RNF41: variants seen among roughly 807,000 people sequenced by gnomAD.
The protein encoded by RNF41 is E3 ubiquitin-protein ligase NRDP1.
Under a neutral mutation model 33.0 loss-of-function variants are expected in RNF41, and 4 were observed. That is an observed-to-expected ratio of 0.12 (90% CI 0.06 to 0.28). The LOEUF (loss-of-function observed/expected upper bound fraction) is 0.28, where lower values mean the gene tolerates loss of function less well. Ranked by LOEUF, RNF41 falls within the 10% of genes least tolerant of loss-of-function variation. The pLI is 1.00. For missense variants in RNF41, 228 were observed against 432.6 expected, an observed-to-expected ratio of 0.53 and a Z score of 4.19; for synonymous variants, 164 against 153.2, an observed-to-expected ratio of 1.07 and a Z score of -0.52.
At chr12:56,215,064 G>T (rs559925534) in intron 2 of RNF41, among the ~76,000 whole-genome samples, 1 of 152,004 alleles carries the variant, frequency 6.6e-6, no homozygotes, top group African/African-American at 2.4e-5. Context: ...GGGGGAGCAG[G>T]GCATTAGGGT....
chr12:56,208,404 C>T, intron 4 of RNF41, 106 bp from the exon 5 acceptor site: 2 of 1,246,206 alleles, frequency 1.6e-6, no homozygotes, highest in Middle Eastern at 2.0e-4. Context: ...TTGTCCTACC[C>T]AAAATTTCTA....
At chr12:56,207,436 C>T in intron 6 of RNF41, 1 of 759,368 alleles carries the variant, frequency 1.3e-6, no homozygotes, top group Non-Finnish European at 2.3e-6. Context: ...GCAGGCTTTC[C>T]CTCCATCCAC....
chr12:56,210,672 C>G (rs1868410683), intron 3 of RNF41, 104 bp from the exon 4 acceptor site: 4 of 1,165,042 alleles, frequency 3.4e-6, no homozygotes, highest in Non-Finnish European at 4.9e-6. Flanking sequence ...TGAGCAGCCT[C>G]TACGACAAGA....
intron 1 of RNF41, among the ~76,000 whole-genome samples, chr12:56,220,384 T>G (rs1385175486): frequency 1.4e-4 from 21 of 151,916 alleles, no homozygotes; most frequent in Non-Finnish European, 2.5e-4. Context: ...CCCGGCTAAT[T>G]TTTTATATTT....
chr12:56,210,713 T>G, intron 3 of RNF41, 145 bp from the exon 4 acceptor site: 6 of 761,282 alleles, frequency 7.9e-6, no homozygotes, highest in African/African-American at 1.7e-5. Context: ...AGTATAGATC[T>G]ACTACGGGCA....
chr12:56,210,449 C>G lies in RNF41; in HGVS notation c.210G>C (p.Arg70=). The change falls in exon 4 of 7, where the codon CGG becomes CGC. Residue 70 remains arginine (R), a synonymous_variant. Transcript: ENST00000345093. ...VTVAHLRPVP[R]IMRNMLSKLQ... is the part of the protein sequence containing the mutation. ...GCTTTGACAACATGTTCCGCATGATCCGAGGTACTGGGCGCAGATGGGCGA... is the reference window on the plus strand; with the variant it reads ...GCTTTGACAACATGTTCCGCATGATGCGAGGTACTGGGCGCAGATGGGCGA... 6.2e-7 allele frequency: 1 copy of G among 1,614,200 alleles called. No individual in the cohort carries two copies. Among genetic ancestry groups the G allele is most frequent in the Non-Finnish European group, 8.5e-7 (1 of 1,180,038 alleles).
In RNF41 at chr12:56,207,171, T is replaced by C. The variant is rs145153193; in HGVS notation, c.603-373A>G. The C allele has an allele frequency of 1.1e-3, 1,497 of 1,323,378 alleles. 20 individuals are homozygous for C. The Admixed American group carries it at 0.015, about 13-fold the overall frequency. 82.0% of individuals were successfully genotyped at this position (1,323,378 alleles called of 1,614,324 possible). ...GTATATATTGATTCACACTTACAGT[T>C]TACTCTATGAACTGTATAGGACTCC... On this transcript the variant is annotated intron_variant, in intron 6 of 6. Coordinates refer to ENST00000345093, the MANE Select transcript of RNF41 (RefSeq NM_005785.4).
Position 56,208,212 on chromosome 12 carries a change from G to A in RNF41, c.449C>T (p.Ala150Val), listed in dbSNP as rs1407776380. The A allele has an allele frequency of 1.9e-6, 3 of 1,614,202 alleles. No individual in the cohort carries two copies. Among genetic ancestry groups the A allele is most frequent in the South Asian group, 1.1e-5 (1 of 91,082 alleles). ...TTCAGCTGACGTCTTCTCCAGCTCTGCGATGCGTGTCTGCTGCTGCTGTAC... is the reference window on the plus strand; with the variant it reads ...TTCAGCTGACGTCTTCTCCAGCTCTACGATGCGTGTCTGCTGCTGCTGTAC... ...SVVQQQQTRI[A>V]ELEKTSAEHK... The change falls in exon 5 of 7, where the codon GCA becomes GTA. Residue 150 changes from alanine to valine, a missense_variant. Physicochemically the swap from Ala to Val is moderately conservative, Grantham distance 64 (BLOSUM62 0). Coordinates refer to ENST00000345093, the MANE Select transcript of RNF41 (RefSeq NM_005785.4).
At chr12:56,216,879 G>T (rs111875890) in intron 1 of RNF41, among the ~76,000 whole-genome samples, 19 of 152,314 alleles carry the variant, frequency 1.2e-4, no homozygotes, top group African/African-American at 4.3e-4. Context: ...GGTGGCTCAC[G>T]CCTGTAATCC....
intron 1 of RNF41, among the ~76,000 whole-genome samples, chr12:56,218,532 G>A (rs1869081639): frequency 6.6e-6 from 1 of 151,906 alleles, no homozygotes; most frequent in African/African-American, 2.4e-5. Context: ...CTCCCGAAGT[G>A]CTGGGATTAC....
intron 1 of RNF41, among the ~76,000 whole-genome samples, chr12:56,221,373 G>A (rs1476219518): frequency 6.6e-6 from 1 of 152,104 alleles, no homozygotes; most frequent in Non-Finnish European, 1.5e-5. Flanking sequence ...CGAGGGCGGG[G>A]GTTTAGGTTC....
chr12:56,217,588 G>A (rs187339656), intron 1 of RNF41, among the ~76,000 whole-genome samples: 1 of 152,264 alleles, frequency 6.6e-6, no homozygotes, highest in African/African-American at 2.4e-5. Flanking sequence ...TACATTATGT[G>A]TACAGGATGA....
intron 3 of RNF41, among the ~76,000 whole-genome samples, chr12:56,212,152 T>C (rs1239880396): frequency 6.6e-6 from 1 of 152,212 alleles, no homozygotes; most frequent in Non-Finnish European, 1.5e-5. Context: ...TACATATATA[T>C]GCAGACATCT....
At chr12:56,210,758 C>T (rs1868416669) in intron 3 of RNF41, among the ~76,000 whole-genome samples, 190 bp from the exon 4 acceptor site, 1 of 152,168 alleles carries the variant, frequency 6.6e-6, no homozygotes. Flanking sequence ...GATACGTTTC[C>T]TGCTGGGCAC....
rs1210438548 is a variant in RNF41, at chr12:56,203,057, A to G, written c.*3390T>C. On this transcript the variant is annotated 3_prime_UTR_variant, in exon 7 of 7. Transcript: ENST00000345093. ...ATAGAAGCGCAGACTCAGCACAGAAATGCCTTTTTTTTTTTTTTCAAGCCA... is the reference window on the plus strand; with the variant it reads ...ATAGAAGCGCAGACTCAGCACAGAAGTGCCTTTTTTTTTTTTTTCAAGCCA... The G allele has an allele frequency of 1.2e-5, 1 of 85,422 alleles. No homozygotes were observed. Among genetic ancestry groups the G allele is most frequent in the Non-Finnish European group, 2.3e-5 (1 of 42,696 alleles). The allele number at this position is 85,422 out of a possible 1,614,324, so 5.3% of individuals were successfully genotyped here. A position where few individuals can be genotyped will look rare whatever the true frequency, so the allele number is the denominator to read the frequency against.
chr12:56,208,039 T>A, intron 5 of RNF41, 124 bp downstream of exon 5: 2 of 1,175,008 alleles, frequency 1.7e-6, no homozygotes, highest in Non-Finnish European at 2.5e-6. Context: ...AGGCAGAATA[T>A]CCACTCATCT....
rs756224373 is a variant in RNF41, at chr12:56,207,637, G to A, written c.602+9C>T. The stretch of plus-strand genomic sequence containing the variant: ...CATGAAATCACTCCACGTCCTGAGT[G>A]ACACTCACTCTAGGATCTCGTTGTA... On this transcript the variant is annotated intron_variant, in intron 6 of 6. Coordinates refer to ENST00000345093, the MANE Select transcript of RNF41 (RefSeq NM_005785.4). The A allele has an allele frequency of 1.3e-6, 2 of 1,589,846 alleles. No homozygotes were observed. The highest frequency in any genetic ancestry group is 1.1e-5 in the South Asian group (1 of 90,570).
chr12:56,216,199 AAAAAACACAT>A (rs1411718688), intron 2 of RNF41, among the ~76,000 whole-genome samples: 12 of 152,334 alleles, frequency 7.9e-5, no homozygotes, highest in Admixed American at 7.2e-4. Flanking sequence ...TACATAGGAA[AAAAAACACAT>A]AAAAACACAT....
intron 1 of RNF41, among the ~76,000 whole-genome samples, chr12:56,218,424 G>GA (rs1869070848): frequency 6.6e-6 from 1 of 150,430 alleles, no homozygotes; most frequent in African/African-American, 2.4e-5. Context: ...CACCATGCCT[G>GA]GCTAATTTTT....
Sources: allele counts gnomAD v4.1 joint callset (sites outside exome capture counted in the v4.1 genomes callset), GRCh38; gene constraint gnomAD v4.1.1; transcripts MANE v1.5; gene names NCBI Gene and HGNC (gene_info 2026-07-23, HGNC 2026-07-21).